Variants in PCDHGA5 observed in about 807,000 individuals in gnomAD.
PCDHGA5 encodes protocadherin gamma subfamily A, 5, also known as protocadherin gamma-A5.
In PCDHGA5, 36 loss-of-function variants were observed where a neutral mutation model predicts 56.7. That is an observed-to-expected ratio of 0.64 (90% CI 0.49 to 0.84). The LOEUF (loss-of-function observed/expected upper bound fraction) is 0.84. Among genes scored for constraint, PCDHGA5 ranks in the 40% least tolerant of loss-of-function variants. The pLI is 0.00. For synonymous variants in PCDHGA5, 563 were observed against 520.2 expected, an observed-to-expected ratio of 1.08 and a Z score of -1.12; for missense variants, 1,305 against 1,201.5, an observed-to-expected ratio of 1.09 and a Z score of -1.27.
chr5:141,469,762 A>G (rs547099941), intron 1 of PCDHGA5, among the ~76,000 whole-genome samples: 15 of 152,360 alleles, frequency 9.8e-5, no homozygotes, highest in African/African-American at 3.4e-4. Flanking sequence ...ATACATATAT[A>G]CCAGCTTATT....
rs764987054 is a variant in PCDHGA5, at chr5:141,372,683, C to G, written c.2421+5932C>G. 9 of 1,613,826 alleles carry G rather than the reference C, an allele frequency of 5.6e-6. No homozygotes were observed. In the East Asian group the frequency reaches 1.8e-4, roughly 32 times the overall value. On this transcript the variant is annotated intron_variant, in intron 1 of 3. Transcript: ENST00000518069. ...GTGCTGCCTCACATTCCTCAAACACCGAGTTTAAATTTCTCAATATAAAGG... is the reference window on the plus strand; with the variant it reads ...GTGCTGCCTCACATTCCTCAAACACGGAGTTTAAATTTCTCAATATAAAGG...
intron 1 of PCDHGA5, chr5:141,430,850 A>T (rs1204872595): frequency 6.3e-7 from 1 of 1,582,670 alleles, no homozygotes; most frequent in South Asian, 1.2e-5. Context: ...ATGCACCCAG[A>T]TACGCTATTC....
chr5:141,499,731 C>T (rs2099794093), intron 2 of PCDHGA5, among the ~76,000 whole-genome samples: 1 of 138,132 alleles, frequency 7.2e-6, no homozygotes, highest in African/African-American at 2.7e-5. Context: ...GTCTCACTCT[C>T]TTGCCCAGGC....
At chr5:141,497,904 A>G (rs939422338) in intron 2 of PCDHGA5, among the ~76,000 whole-genome samples, 2 of 152,136 alleles carry the variant, frequency 1.3e-5, no homozygotes, top group African/African-American at 2.4e-5. Context: ...AGTAACTTCA[A>G]CTTCTCTCCT....
chr5:141,485,899 C>A lies in PCDHGA5; in HGVS notation c.2422-8908C>A, dbSNP rs775312856. 12 of 1,614,166 alleles carry A rather than the reference C, an allele frequency of 7.4e-6. No individual in the cohort carries two copies. The highest frequency in any genetic ancestry group is 8.5e-6 in the Non-Finnish European group (10 of 1,180,032). On this transcript the variant is annotated intron_variant, in intron 1 of 3. Coordinates refer to ENST00000518069, the MANE Select transcript of PCDHGA5 (RefSeq NM_018918.3). The surrounding 1 kb of genome is among the most constrained non-coding windows in gnomAD (Gnocchi z 5.7). ...ACGTAAACGACAACGCCCCAGCCTT[C>A]CAGCAATCCAGCTACAGGATTAGTG...
chr5:141,399,396 G>C, intron 1 of PCDHGA5: 1 of 1,613,960 alleles, frequency 6.2e-7, no homozygotes, highest in Non-Finnish European at 8.5e-7. Flanking sequence ...CCACAGACAG[G>C]GGCAAGCCGC....
rs1429860093 is a variant in PCDHGA5, at chr5:141,487,828, C to A, written c.2422-6979C>A. 3 of 1,184,120 alleles carry A rather than the reference C, an allele frequency of 2.5e-6. No individual in the cohort carries two copies. The highest frequency in any genetic ancestry group is 1.5e-5 in the African/African-American group (1 of 64,540). The allele number at this position is 1,184,120 out of a possible 1,614,324, so 73.4% of individuals were successfully genotyped here. A position where few individuals can be genotyped will look rare whatever the true frequency, so the allele number is the denominator to read the frequency against. ...AGTTTAGCATTGGGGGCGGGTCATG[C>A]CTATATCTGAGTAAGAAATGAAAGT... On this transcript the variant is annotated intron_variant, in intron 1 of 3. Coordinates refer to ENST00000518069, the MANE Select transcript of PCDHGA5 (RefSeq NM_018918.3). The surrounding 1 kb of genome is among the most constrained non-coding windows in gnomAD (Gnocchi z 5.0).
chr5:141,431,603 C>T lies in PCDHGA5; in HGVS notation c.2422-63204C>T, dbSNP rs746243366. On this transcript the variant is annotated intron_variant, in intron 1 of 3. Coordinates refer to ENST00000518069, the MANE Select transcript of PCDHGA5 (RefSeq NM_018918.3). This position sits in a 1 kb window ranked among gnomAD's most constrained non-coding sequence, Gnocchi z 4.8. ...CAATGCGGAAGTGAGGTATTCCTTC[C>T]GGTATGTGGACGACAAGGCGGCCCA... is the stretch of plus-strand genomic sequence containing the variant. 1.1e-5 allele frequency: 17 copies of T among 1,614,212 alleles called. No individual in the cohort carries two copies. Among genetic ancestry groups the T allele is most frequent in the Non-Finnish European group, 1.4e-5 (16 of 1,180,044 alleles).
At chr5:141,381,826 C>CTTTTTTTTTTTTTTTTTTTTTT (rs770630741) in intron 1 of PCDHGA5, among the ~76,000 whole-genome samples, 11 of 74,280 alleles carry the variant, frequency 1.5e-4, no homozygotes, top group South Asian at 5.1e-4. Flanking sequence ...CTTTCTTCTT[C>CTTTTTTTTTTTTTTTTTTTTTT]TTTTTTTTTT....
chr5:141,393,553 A>T (rs377510269), intron 1 of PCDHGA5: 1 of 1,613,928 alleles, frequency 6.2e-7, no homozygotes, highest in African/African-American at 1.3e-5. Context: ...CACCCGATTT[A>T]CCGAGTGAAA....
chr5:141,478,849 C>A, intron 1 of PCDHGA5: 1 of 1,375,282 alleles, frequency 7.3e-7, no homozygotes, highest in Non-Finnish European at 9.6e-7. Flanking sequence ...TAAGCTAAAA[C>A]ACAAGATCTC....
intron 1 of PCDHGA5, among the ~76,000 whole-genome samples, chr5:141,405,943 CATA>C (rs1017424287): frequency 6.6e-6 from 1 of 152,106 alleles, no homozygotes; most frequent in Non-Finnish European, 1.5e-5. Flanking sequence ...TTCATGTTCT[CATA>C]ATAATTAACC....
intron 1 of PCDHGA5, chr5:141,394,972 A>T (rs766374618): frequency 1.7e-5 from 28 of 1,613,900 alleles, no homozygotes; most frequent in Non-Finnish European, 2.3e-5. Flanking sequence ...AGGCGCTGGC[A>T]CAAGTCACGC....
intron 1 of PCDHGA5, chr5:141,403,154 T>G (rs1166937788): frequency 6.2e-7 from 1 of 1,614,024 alleles, no homozygotes; most frequent in Non-Finnish European, 8.5e-7. Flanking sequence ...CCGCATCGTC[T>G]CTAGAGGTAG....
intron 1 of PCDHGA5, chr5:141,383,082 G>A: frequency 1.2e-6 from 2 of 1,613,934 alleles, no homozygotes; most frequent in African/African-American, 2.7e-5. Context: ...AGCTGGCGGA[G>A]CGCGGAGTCC....
At chr5:141,374,748 G>A (rs372161900) in intron 1 of PCDHGA5, 115 of 1,611,770 alleles carry the variant, frequency 7.1e-5, no homozygotes, top group Non-Finnish European at 8.7e-5. Flanking sequence ...GACCCTGTCC[G>A]CTCAAGCGTC....
At chr5:141,385,662 A>G (rs2090316045) in intron 1 of PCDHGA5, 11 of 492,642 alleles carry the variant, frequency 2.2e-5, no homozygotes, top group Non-Finnish European at 2.8e-5. Context: ...GTTAGCAGGA[A>G]TAAAACACAC....
chr5:141,462,007 G>C (rs2099028604), intron 1 of PCDHGA5, among the ~76,000 whole-genome samples: 1 of 152,188 alleles, frequency 6.6e-6, no homozygotes, highest in South Asian at 2.1e-4. Context: ...ATTTTTAATA[G>C]AGACGGGGTT....
chr5:141,422,140 C>A, intron 1 of PCDHGA5: 1 of 1,586,776 alleles, frequency 6.3e-7, no homozygotes, highest in Non-Finnish European at 8.5e-7. Flanking sequence ...AGTTCAAGTA[C>A]GGGGGTCTCT....
Sources: gnomAD v4.1 joint callset for allele counts (sites outside exome capture counted in the v4.1 genomes callset) on GRCh38, gnomAD v4.1.1 for gene constraint, Gnocchi (gnomAD v3.1) non-coding constraint, MANE v1.5 for transcripts, NCBI Gene and HGNC (gene_info 2026-07-23, HGNC 2026-07-21) for gene names.